Variants in CCDC171 observed in about 807,000 individuals in gnomAD.
CCDC171 encodes the protein coiled-coil domain-containing protein 171.
Under a neutral mutation model 168.2 loss-of-function variants are expected in CCDC171, and 177 were observed. The observed-to-expected ratio is 1.05, with a 90% confidence interval of 0.93 to 1.19. The LOEUF is 1.19. Ranked by LOEUF, CCDC171 falls within the 50% of genes most tolerant of loss-of-function variation. The pLI is 0.00. For missense variants in CCDC171, 1,991 were observed against 1,539.0 expected (o/e 1.29, Z -4.91); for synonymous variants, 687 against 540.8 (o/e 1.27, Z -3.75).
Position 15,764,206 on chromosome 9 carries a change from C to T in CCDC171, c.2672-13394C>T, listed in dbSNP as rs151142690. 5.8e-3 allele frequency among the ~76,000 whole-genome samples: 884 copies of T among 152,278 alleles called. 2 individuals carry two copies. The highest frequency in any genetic ancestry group is 9.5e-3 in the Non-Finnish European group (649 of 68,016). ...ACACCTGCACCCACATTATGCAAAT[C>T]CTTGTAAACTATGGTAAGAACTTTA... On this transcript the variant is annotated intron_variant, in intron 18 of 25. Coordinates refer to ENST00000380701, the MANE Select transcript of CCDC171 (RefSeq NM_173550.4).
chr9:15,922,109 A>G (rs1277012379), intron 25 of CCDC171: 1 of 358,200 alleles, frequency 2.8e-6, no homozygotes, highest in Admixed American at 2.5e-5. Context: ...ACATATCTAC[A>G]GGATACATTC....
At chr9:15,567,110 C>A (rs1276180147) in intron 2 of CCDC171, among the ~76,000 whole-genome samples, 1 of 148,740 alleles carries the variant, frequency 6.7e-6, no homozygotes, top group South Asian at 2.1e-4. Context: ...CAACCTCTGT[C>A]CCCCGGGTTC....
chr9:15,903,282 T>G (rs1821987009), intron 24 of CCDC171, among the ~76,000 whole-genome samples: 1 of 151,992 alleles, frequency 6.6e-6, no homozygotes, highest in African/African-American at 2.4e-5. Context: ...GGCACCCCCC[T>G]AGTAGGGGCA....
intron 16 of CCDC171, among the ~76,000 whole-genome samples, chr9:15,743,918 G>A (rs748262916): frequency 6.6e-6 from 1 of 152,202 alleles, no homozygotes; most frequent in Non-Finnish European, 1.5e-5. Flanking sequence ...TGAAGAATTA[G>A]TGAGGAGTGG....
At chr9:15,760,743 A>G (rs1260603255) in intron 18 of CCDC171, among the ~76,000 whole-genome samples, 1 of 152,176 alleles carries the variant, frequency 6.6e-6, no homozygotes, top group African/African-American at 2.4e-5. Flanking sequence ...GAAAGTGCTA[A>G]AGGTGGCTGC....
intron 9 of CCDC171, among the ~76,000 whole-genome samples, chr9:15,666,775 T>C (rs1284913055): frequency 6.6e-6 from 1 of 152,104 alleles, no homozygotes; most frequent in African/African-American, 2.4e-5. Context: ...AAGTGAGCTA[T>C]GATCTAAGGC....
intron 3 of CCDC171, among the ~76,000 whole-genome samples, chr9:15,979,787 A>G (rs920321486): frequency 2.6e-5 from 4 of 151,818 alleles, no homozygotes; most frequent in African/African-American, 9.7e-5. Context: ...TTAGGCTAAT[A>G]CTGGGCTCAT....
intron 3 of CCDC171, among the ~76,000 whole-genome samples, chr9:15,997,871 A>G (rs1176351145): frequency 6.6e-6 from 1 of 152,154 alleles, no homozygotes; most frequent in Non-Finnish European, 1.5e-5. Context: ...CTTCCCTTGC[A>G]TATTTACCCC....
chr9:15,607,361 G>T (rs1435816640), intron 6 of CCDC171, among the ~76,000 whole-genome samples: 2 of 152,102 alleles, frequency 1.3e-5, no homozygotes, highest in Non-Finnish European at 2.9e-5. Context: ...TTAATTTTCT[G>T]TCTGTATACA....
intron 8 of CCDC171, among the ~76,000 whole-genome samples, chr9:15,662,977 TCTC>T (rs1310464222): frequency 1.6e-5 from 2 of 127,218 alleles, no homozygotes; most frequent in Non-Finnish European, 3.3e-5. Flanking sequence ...CGAGACTTCG[TCTC>T]AACAACAACA....
At chr9:15,985,961 A>T (rs1831972447) in intron 3 of CCDC171, among the ~76,000 whole-genome samples, 1 of 152,190 alleles carries the variant, frequency 6.6e-6, no homozygotes, top group Non-Finnish European at 1.5e-5. Flanking sequence ...TTTTCTTCCC[A>T]TTATTGGCTA....
chr9:15,953,950 A>G (rs191851674), intron 25 of CCDC171, among the ~76,000 whole-genome samples: 2 of 152,144 alleles, frequency 1.3e-5, no homozygotes, highest in East Asian at 3.9e-4. Flanking sequence ...AGGGCATTCA[A>G]TTTGTCGGTA....
intron 6 of CCDC171, among the ~76,000 whole-genome samples, chr9:15,595,148 AT>A (rs201895652): frequency 0.013 from 1,930 of 149,018 alleles, 56 homozygotes; most frequent in African/African-American, 0.043. Flanking sequence ...AAGCCACTTA[AT>A]TTTTTTTTTT....
chr9:15,699,934 A>G (rs1306416291), intron 11 of CCDC171, among the ~76,000 whole-genome samples: 1 of 152,216 alleles, frequency 6.6e-6, no homozygotes, highest in Non-Finnish European at 1.5e-5. Context: ...AGCTAGACAT[A>G]AAGATTCTCC....
the CCDC171 span, among the ~76,000 whole-genome samples, chr9:16,082,564 AG>A: frequency 1.3e-5 from 2 of 152,224 alleles, no homozygotes; most frequent in Non-Finnish European, 2.9e-5. Context: ...ATTCTTGTAA[AG>A]AATAAACTTT....
At chr9:16,077,754 G>C in the CCDC171 span, among the ~76,000 whole-genome samples, 1 of 152,148 alleles carries the variant, frequency 6.6e-6, no homozygotes, top group African/African-American at 2.4e-5. Flanking sequence ...GTGTGGTTGC[G>C]TTTGCAATGC....
At chr9:16,000,791 T>C (rs1450327126) in intron 3 of CCDC171, among the ~76,000 whole-genome samples, 3 of 152,034 alleles carry the variant, frequency 2.0e-5, no homozygotes, top group Non-Finnish European at 4.4e-5. Context: ...TCTCAACAAA[T>C]GTTATCTTCC....
intron 4 of CCDC171, among the ~76,000 whole-genome samples, chr9:15,583,858 A>G (rs1223463137): frequency 6.6e-6 from 1 of 152,078 alleles, no homozygotes; most frequent in East Asian, 1.9e-4. Flanking sequence ...AAGAAATGTT[A>G]AGATATAATT....
chr9:16,041,960 T>C (rs577534468), upstream of CCDC171, among the ~76,000 whole-genome samples: 2 of 152,340 alleles, frequency 1.3e-5, no homozygotes, highest in Non-Finnish European at 2.9e-5. Context: ...AAATCTGGTA[T>C]GGGAATGATG....
Sources: allele counts gnomAD v4.1 joint callset (sites outside exome capture counted in the v4.1 genomes callset), GRCh38; gene constraint gnomAD v4.1.1; transcripts MANE v1.5; gene names NCBI Gene and HGNC (gene_info 2026-07-23, HGNC 2026-07-21).